The following ANTXRL variants were observed in gnomAD, a reference collection of about 807,000 sequenced individuals.
ANTXRL encodes ANTXR like, also known as anthrax toxin receptor-like.
Under a neutral mutation model 75.4 loss-of-function variants are expected in ANTXRL, and 63 were observed. That is an observed-to-expected ratio of 0.84 (90% CI 0.68 to 1.03). The LOEUF is 1.03. Among genes scored for constraint, ANTXRL ranks in the 50% least tolerant of loss-of-function variants. ANTXRL has a pLI of 0.00. For missense variants in ANTXRL, 797 were observed against 789.4 expected (o/e 1.01, Z -0.12); for synonymous variants, 335 against 291.3 (o/e 1.15, Z -1.53).
intron 16 of ANTXRL, among the ~76,000 whole-genome samples, chr10:46,319,960 C>A (rs900622980): frequency 2.6e-5 from 4 of 152,150 alleles, no homozygotes; most frequent in African/African-American, 7.2e-5. Context: ...AAGCCCTCAA[C>A]TGTAGCAAAA....
At chr10:46,290,237 T>A (rs117031613) in intron 1 of ANTXRL, among the ~76,000 whole-genome samples, 1,967 of 152,098 alleles carry the variant, frequency 0.013, 22 homozygotes, top group Non-Finnish European at 0.02. Context: ...ACATACAGGG[T>A]TTCACCATAT....
chr10:46,313,151 A>G, intron 15 of ANTXRL, 85 bp from the exon 16 acceptor site: 1 of 1,216,220 alleles, frequency 8.2e-7, no homozygotes, highest in East Asian at 2.5e-5. Flanking sequence ...CTGGGCACAG[A>G]GCTGTGGGGG....
At chr10:46,318,800 C>T (rs751051356) in intron 16 of ANTXRL, among the ~76,000 whole-genome samples, 2 of 151,984 alleles carry the variant, frequency 1.3e-5, no homozygotes, top group Non-Finnish European at 1.5e-5. Flanking sequence ...TTAAATGTAA[C>T]GGAGTTGAAT....
intron 3 of ANTXRL, 113 bp downstream of exon 3, chr10:46,294,013 C>T (rs1837216723): frequency 3.1e-6 from 3 of 979,108 alleles, no homozygotes; most frequent in Middle Eastern, 2.6e-4. Flanking sequence ...GCACACAGGG[C>T]AGGCCGGTCA....
chr10:46,310,445 CTT>C lies in ANTXRL; in HGVS notation c.1135-13_1135-12del, dbSNP rs1245733986. ...ACCCCCATCCAGCCTGTGTTTGTCT[CTT>C]TTGAACATTCTAGACTGTCAAGGAG... On this transcript the variant is annotated splice_polypyrimidine_tract_variant and intron_variant, in intron 13 of 16. Coordinates refer to ENST00000620264, the MANE Select transcript of ANTXRL (RefSeq NM_001278688.3). 3.9e-6 allele frequency: 6 copies of C among 1,536,118 alleles called. No homozygotes were observed. Among genetic ancestry groups the C allele is most frequent in the Middle Eastern group, 1.7e-4 (1 of 6,006 alleles).
At chr10:46,305,862 C>T (rs1333177521) in intron 10 of ANTXRL, among the ~76,000 whole-genome samples, 3 of 152,124 alleles carry the variant, frequency 2.0e-5, no homozygotes, top group Non-Finnish European at 4.4e-5. Flanking sequence ...GTGTCGCTGT[C>T]CACCCAGTTG....
chr10:46,303,380 T>C (rs1469857552), intron 10 of ANTXRL, among the ~76,000 whole-genome samples: 6 of 152,192 alleles, frequency 3.9e-5, no homozygotes, highest in African/African-American at 1.2e-4. Context: ...CAATTTAACA[T>C]GGAGGCAATA....
In ANTXRL at chr10:46,311,592, C is replaced by A; in HGVS notation, c.1256C>A (p.Pro419His). ...CCACTCCCGCCTCCGCCCCCAGCTCCTGTAAACACCTGCCCCACTGTGATT... is the reference window on the plus strand; with the variant it reads ...CCACTCCCGCCTCCGCCCCCAGCTCATGTAAACACCTGCCCCACTGTGATT... ...PPPLPPPPPA[P>H]VNTCPTVIIC... is the part of the protein sequence containing the mutation. Residue 419 changes from proline to histidine, a missense_variant, in exon 15 of 17, where the codon CCT becomes CAT. Pro to His is a moderately conservative substitution (Grantham distance 77). This residue lies in a region of ANTXRL where 479 missense variants were observed against 422.0 expected (regional missense o/e 1.14). Transcript: ENST00000620264. 1 of 1,439,886 alleles carries A rather than the reference C, an allele frequency of 6.9e-7. No individual in the cohort carries two copies. The highest frequency in any genetic ancestry group is 9.4e-7 in the Non-Finnish European group (1 of 1,058,904). 89.2% of individuals were successfully genotyped at this position (1,439,886 alleles called of 1,614,324 possible).
At chr10:46,322,337 A>T (rs1839019186) in intron 16 of ANTXRL, among the ~76,000 whole-genome samples, 1 of 152,012 alleles carries the variant, frequency 6.6e-6, no homozygotes. Flanking sequence ...GTATGCCTGT[A>T]GTCCCAGCTA....
At chr10:46,329,150 A>C in intron 16 of ANTXRL, among the ~76,000 whole-genome samples, 1 of 152,098 alleles carries the variant, frequency 6.6e-6, no homozygotes, top group South Asian at 2.1e-4. Context: ...CCTCTTCCCA[A>C]ACCAAGGGAA....
rs1837012795 is a variant in ANTXRL, at chr10:46,292,060, C to T, written c.251C>T (p.Ser84Phe). 4 of 1,536,244 alleles carry T rather than the reference C, an allele frequency of 2.6e-6. No individual in the cohort carries two copies. Among genetic ancestry groups the T allele is most frequent in the Non-Finnish European group, 3.5e-6 (4 of 1,146,772 alleles). The change falls in exon 2 of 17, where the codon TCT (serine) becomes TTT (phenylalanine). Residue 84 changes from serine to phenylalanine, a missense_variant and splice_region_variant. Ser to Phe is a radical substitution (Grantham distance 155, BLOSUM62 -2). Around this residue, in one of 3 missense-constraint regions of ANTXRL, gnomAD observed 262 missense variants for 271.9 expected, o/e 0.96. Coordinates refer to ENST00000620264, the MANE Select transcript of ANTXRL (RefSeq NM_001278688.3). ...ACCCACATCTCCTTTTGTTTTAGGT[C>T]TGGCAGCGTGAACAATAACTGGATT... ...SFDLYFILDK[S>F]GSVNNNWIDL... is the part of the protein sequence containing the mutation.
In ANTXRL at chr10:46,307,455, A is replaced by G. The variant is rs1554962224; in HGVS notation, c.1019A>G (p.Asn340Ser). 1.3e-6 allele frequency: 2 copies of G among 1,536,202 alleles called. No homozygotes were observed. The highest frequency in any genetic ancestry group is 2.0e-5 in the Admixed American group (1 of 50,974). ...AAAGGCAAAACATTCTTCAAGAGCA[A>G]TGTCAGCATCACCAGCACCACATGT... ...LNKGKTFFKS[N>S]VSITSTTCGI... The change falls in exon 12 of 17, where the codon AAT (asparagine) becomes AGT (serine). Residue 340 changes from asparagine (N) to serine (S), a missense_variant. Physicochemically the swap from Asn to Ser is conservative, Grantham distance 46 (BLOSUM62 1). This residue lies in a region of ANTXRL where 479 missense variants were observed against 422.0 expected (regional missense o/e 1.14). Coordinates refer to ENST00000620264, the MANE Select transcript of ANTXRL (RefSeq NM_001278688.3).
chr10:46,329,496 C>G (rs1554967068), intron 16 of ANTXRL, 103 bp from the exon 17 acceptor site: 1 of 1,412,774 alleles, frequency 7.1e-7, no homozygotes, highest in Middle Eastern at 1.8e-4. Flanking sequence ...CCTGTGGGTC[C>G]CGATGGGTCC....
At chr10:46,289,357 C>G (rs1274901388) in intron 1 of ANTXRL, among the ~76,000 whole-genome samples, 2 of 152,162 alleles carry the variant, frequency 1.3e-5, no homozygotes, top group Non-Finnish European at 2.9e-5. Context: ...GTGTACAATT[C>G]AGCGGCATTA....
At chr10:46,298,976 G>C (rs1324939110) in intron 9 of ANTXRL, among the ~76,000 whole-genome samples, 1 of 151,862 alleles carries the variant, frequency 6.6e-6, no homozygotes, top group African/African-American at 2.4e-5. Context: ...TGTACAATTA[G>C]TGTGTTGTAA....
intron 12 of ANTXRL, among the ~76,000 whole-genome samples, chr10:46,307,833 A>G (rs1554962323): frequency 1.3e-5 from 2 of 152,090 alleles, no homozygotes; most frequent in African/African-American, 4.8e-5. Flanking sequence ...CCTGGTGGTC[A>G]CTTGCTGTCA....
intron 10 of ANTXRL, among the ~76,000 whole-genome samples, chr10:46,305,741 C>A (rs1204600514): frequency 2.0e-5 from 3 of 152,036 alleles, no homozygotes; most frequent in Non-Finnish European, 4.4e-5. Context: ...CACCACACTC[C>A]CACAAAAATG....
At chr10:46,300,709 C>T (rs73291008) in intron 9 of ANTXRL, among the ~76,000 whole-genome samples, 5,482 of 152,180 alleles carry the variant, frequency 0.036, 300 homozygotes, top group African/African-American at 0.12. Context: ...ATCCTGGAAG[C>T]CTTCCCTGAT....
At chr10:46,293,284 GTGTGCGTGTGTGCC>G (rs1837103037) in intron 2 of ANTXRL, among the ~76,000 whole-genome samples, 1 of 51,890 alleles carries the variant, frequency 1.9e-5, no homozygotes, top group Admixed American at 2.1e-4. Context: ...GTGTGAGAGT[GTGTGCGTGTGTGCC>G]TGTGTGTGTG....
Sources: gnomAD v4.1 joint callset for allele counts (sites outside exome capture counted in the v4.1 genomes callset) on GRCh38, gnomAD v4.1.1 for gene constraint, gnomAD v4.1.1 regional missense constraint, MANE v1.5 for transcripts, NCBI Gene and HGNC (gene_info 2026-07-23, HGNC 2026-07-21) for gene names.